The following NUP160 variants were observed in gnomAD, a reference collection of about 807,000 sequenced individuals.
NUP160 encodes the protein nuclear pore complex protein Nup160.
In NUP160, 94 loss-of-function variants were observed where a neutral mutation model predicts 196.9. That is an observed-to-expected ratio of 0.48 (90% CI 0.40 to 0.57). NUP160 has a LOEUF of 0.57. NUP160 is among the 20% of genes least tolerant of loss of function. The pLI is 0.00. For missense variants in NUP160, 1,638 were observed against 1,748.3 expected (o/e 0.94, Z 1.13); for synonymous variants, 605 against 619.7 (o/e 0.98, Z 0.35).
chr11:47,796,992 C>G (rs1406133847), intron 27 of NUP160, among the ~76,000 whole-genome samples: 1 of 152,090 alleles, frequency 6.6e-6, no homozygotes, highest in Non-Finnish European at 1.5e-5. Context: ...CGCGCCCAAC[C>G]CTAAATGTAA....
At chr11:47,784,091 T>G (rs1180595834) in intron 33 of NUP160, among the ~76,000 whole-genome samples, 1 of 152,178 alleles carries the variant, frequency 6.6e-6, no homozygotes, top group Admixed American at 6.5e-5. Context: ...TTTTAAGCTT[T>G]AGATTTTCTC....
At chr11:47,821,930 G>T (rs1851866538) in intron 8 of NUP160, 109 bp from the exon 9 acceptor site, 2 of 1,003,632 alleles carry the variant, frequency 2.0e-6, no homozygotes, top group South Asian at 1.4e-5. Context: ...AACAAAACAT[G>T]GTACCACATG....
chr11:47,812,127 A>AGTACTG, exon 17 of NUP160: 1 of 1,614,174 alleles, frequency 6.2e-7, no homozygotes, highest in Non-Finnish European at 8.5e-7. Flanking sequence ...TCAGGAAACG[A>AGTACTG]GTACTGGCGA....
At chr11:47,815,078 A>G (rs1289724625) in intron 13 of NUP160, 1 of 152,698 alleles carries the variant, frequency 6.5e-6, no homozygotes, top group Non-Finnish European at 1.5e-5. Flanking sequence ...TAAAAATACA[A>G]AAATTAGCCG....
chr11:47,816,286 A>C (rs1415322947), intron 11 of NUP160, among the ~76,000 whole-genome samples: 1 of 152,198 alleles, frequency 6.6e-6, no homozygotes, highest in Non-Finnish European at 1.5e-5. Context: ...GTTTGGGAAT[A>C]ATAACTCCCA....
intron 35 of NUP160, chr11:47,779,469 T>C (rs776481531): frequency 2.0e-6 from 1 of 492,298 alleles, no homozygotes; most frequent in Non-Finnish European, 3.9e-6. Flanking sequence ...GATCACTAAC[T>C]CTTTTCTCAG....
rs970533509 is a variant in NUP160, at chr11:47,812,919, CA to C, written c.1914del (p.Ala639GlnfsTer8). ...ATCATATCTTCCAGAATCTGCTCTG[CA>C]GCCTTTTCCGGAGACTGTAGGTTAT... On this transcript the variant is annotated frameshift_variant, in exon 15 of 36. Transcript: ENST00000378460. LOFTEE classifies it high-confidence loss of function. 1 of 1,613,464 alleles carries C rather than the reference CA, an allele frequency of 6.2e-7. No homozygotes were observed. The highest frequency in any genetic ancestry group is 8.5e-7 in the Non-Finnish European group (1 of 1,179,786).
At chr11:47,804,738 T>C (rs1439363360) in intron 20 of NUP160, 120 bp from the exon 21 acceptor site, 30 of 621,960 alleles carry the variant, frequency 4.8e-5, no homozygotes, top group South Asian at 2.8e-4. Context: ...GGCAGAGAAG[T>C]TGGCCAACCA....
intron 34 of NUP160, 48 bp from the exon 35 acceptor site, chr11:47,780,495 T>G: frequency 7.8e-7 from 1 of 1,283,894 alleles, no homozygotes; most frequent in South Asian, 1.2e-5. Flanking sequence ...GTGTACCATT[T>G]CTTCTGGGTA....
chr11:47,837,043 G>T, intron 5 of NUP160, 42 bp from the exon 6 acceptor site: 1 of 1,088,116 alleles, frequency 9.2e-7, no homozygotes, highest in South Asian at 1.3e-5. Flanking sequence ...CTGCTGCAAA[G>T]AATCTGATCA....
intron 27 of NUP160, among the ~76,000 whole-genome samples, chr11:47,794,433 C>A (rs1328206072): frequency 6.6e-6 from 1 of 152,054 alleles, no homozygotes; most frequent in Non-Finnish European, 1.5e-5. Flanking sequence ...CGAGATTGCG[C>A]CACTGCACTC....
chr11:47,848,201 C>A lies in NUP160; in HGVS notation c.202+18G>T. The A allele has an allele frequency of 6.2e-7, 1 of 1,613,934 alleles. No individual in the cohort carries two copies. The highest frequency in any genetic ancestry group is 8.5e-7 in the Non-Finnish European group (1 of 1,179,846). On this transcript the variant is annotated intron_variant, in intron 1 of 35. Coordinates refer to ENST00000378460, the Ensembl canonical transcript of NUP160. ...GAGGGGACAGATGGGATCGCACCCT[C>A]CCTGGCCATTTCCGTACCAATGCTG...
intron 17 of NUP160, among the ~76,000 whole-genome samples, chr11:47,810,103 T>A (rs1719633579): frequency 6.6e-6 from 1 of 152,096 alleles, no homozygotes; most frequent in South Asian, 2.1e-4. Flanking sequence ...TCTACATAGA[T>A]CAAAAAGAAC....
At chr11:47,831,894 CTTTT>C (rs554204043) in intron 7 of NUP160, among the ~76,000 whole-genome samples, 38 of 69,984 alleles carry the variant, frequency 5.4e-4, no homozygotes, top group African/African-American at 2.2e-3. Context: ...TAATAAATTC[CTTTT>C]TTTTTTTTTT....
rs766887536 is a variant in NUP160, at chr11:47,819,477, A to T, written c.1278-19T>A. 6.5e-7 allele frequency: 1 copy of T among 1,543,696 alleles called. No individual in the cohort carries two copies. Among genetic ancestry groups the T allele is most frequent in the South Asian group, 1.1e-5 (1 of 89,748 alleles). On this transcript the variant is annotated intron_variant, in intron 9 of 35. Coordinates refer to ENST00000378460, the Ensembl canonical transcript of NUP160. ...AACATTACTAGAGACAAAAAAGTCC[A>T]CCAGTTTATACAGAAATGATCACTA...
At chr11:47,802,204 G>T (rs1436535437) in intron 22 of NUP160, among the ~76,000 whole-genome samples, 1 of 152,012 alleles carries the variant, frequency 6.6e-6, no homozygotes, top group African/African-American at 2.4e-5. Flanking sequence ...AGGCTGAGGC[G>T]GGTGGATCAC....
At chr11:47,801,600 T>C (rs577738922) in intron 23 of NUP160, among the ~76,000 whole-genome samples, 372 of 152,348 alleles carry the variant, frequency 2.4e-3, no homozygotes, top group Middle Eastern at 0.014. Context: ...TCTGCCTGCT[T>C]TGGCCTCCCA....
At chr11:47,815,867 C>A in intron 12 of NUP160, 79 bp downstream of exon 12, 1 of 1,152,016 alleles carries the variant, frequency 8.7e-7, no homozygotes, top group Non-Finnish European at 1.3e-6. Flanking sequence ...TGAAGAATTC[C>A]AGTAATTCCT....
At chr11:47,808,628 A>C in intron 17 of NUP160, 99 bp from the exon 18 acceptor site, 1 of 962,236 alleles carries the variant, frequency 1.0e-6, no homozygotes, top group Non-Finnish European at 1.5e-6. Flanking sequence ...AACAAATACA[A>C]AGGTCACAAT....
Sources: allele counts gnomAD v4.1 joint callset (sites outside exome capture counted in the v4.1 genomes callset), GRCh38; gene constraint gnomAD v4.1.1; transcripts MANE v1.5; gene names NCBI Gene and HGNC (gene_info 2026-07-23, HGNC 2026-07-21).